ZBTB20: variants seen among roughly 807,000 people sequenced by gnomAD.
ZBTB20 encodes the protein zinc finger and BTB domain containing 20.
In ZBTB20, 9 loss-of-function variants were observed where a neutral mutation model predicts 56.9. The ratio of observed to expected loss-of-function variants is 0.16; its 90% CI spans 0.10 to 0.28. The LOEUF is 0.28. Ranked by LOEUF, ZBTB20 falls within the 10% of genes least tolerant of loss-of-function variation. ZBTB20 has a pLI of 1.00. For missense variants in ZBTB20, 655 were observed against 1,003.0 expected (o/e 0.65, Z 4.69); for synonymous variants, 417 against 420.7 (o/e 0.99, Z 0.11).
At chr3:115,023,614 T>C (rs1049597018) in intron 2 of ZBTB20, among the ~76,000 whole-genome samples, 7 of 151,128 alleles carry the variant, frequency 4.6e-5, no homozygotes, top group African/African-American at 1.4e-4. Flanking sequence ...TCTTACACTA[T>C]GGAGTTTTCA....
intron 7 of ZBTB20, among the ~76,000 whole-genome samples, chr3:114,391,396 T>C (rs2085864165): frequency 6.6e-6 from 1 of 152,228 alleles, no homozygotes; most frequent in African/African-American, 2.4e-5. Context: ...TTCATGGTAT[T>C]TCTTCCTTTC....
At chr3:115,009,304 C>T (rs1373223320) in intron 2 of ZBTB20, among the ~76,000 whole-genome samples, 2 of 151,810 alleles carry the variant, frequency 1.3e-5, no homozygotes, top group East Asian at 2.0e-4. Flanking sequence ...CTCTCCCCAC[C>T]CCATCTGAAT....
intron 2 of ZBTB20, among the ~76,000 whole-genome samples, chr3:115,049,018 C>CT (rs1229835964): frequency 3.3e-5 from 5 of 151,002 alleles, no homozygotes; most frequent in Admixed American, 2.6e-4. Flanking sequence ...GGGTCATATA[C>CT]TTTTTTTTTA....
intron 6 of ZBTB20, among the ~76,000 whole-genome samples, chr3:114,607,515 C>T (rs1437186040): frequency 6.6e-6 from 1 of 152,020 alleles, no homozygotes; most frequent in Non-Finnish European, 1.5e-5. Flanking sequence ...GTTTGTCAGG[C>T]TGGTCTCGAA....
chr3:114,497,251 C>G (rs2043386164), intron 7 of ZBTB20, among the ~76,000 whole-genome samples: 1 of 152,182 alleles, frequency 6.6e-6, no homozygotes, highest in African/African-American at 2.4e-5. Context: ...TCTCCACTTT[C>G]ACCAAGTGCT....
intron 6 of ZBTB20, among the ~76,000 whole-genome samples, chr3:114,503,742 T>A (rs899946270): frequency 2.0e-5 from 3 of 152,110 alleles, no homozygotes; most frequent in Admixed American, 6.5e-5. Context: ...GAGAGGGGGA[T>A]GACGAGGGGT....
intron 2 of ZBTB20, among the ~76,000 whole-genome samples, chr3:115,019,289 C>G (rs2080108128): frequency 6.6e-6 from 1 of 150,944 alleles, no homozygotes; most frequent in Non-Finnish European, 1.5e-5. Flanking sequence ...TGATCATATT[C>G]AGGGGTTGTT....
chr3:114,605,329 T>G (rs576855743), intron 6 of ZBTB20, among the ~76,000 whole-genome samples: 1 of 152,290 alleles, frequency 6.6e-6, no homozygotes, highest in South Asian at 2.1e-4. Flanking sequence ...GGGTGAAAGC[T>G]CCTAAATTTC....
rs149095140 is a variant in ZBTB20 at position 114,807,002 on chromosome 3, G to A, written c.-416-5828C>T. 9.1e-3 allele frequency among the ~76,000 whole-genome samples: 1,384 copies of A among 152,024 alleles called. 18 individuals are homozygous for A. The highest frequency in any genetic ancestry group is 0.052 in the South Asian group (251 of 4,820). Reference sequence around the variant, plus strand: ...GCCAATATCATACTCTATAAAGTAAGTTTTAAAACCAGAAATTGTACGTTA... The same window carrying A: ...GCCAATATCATACTCTATAAAGTAAATTTTAAAACCAGAAATTGTACGTTA... On this transcript the variant is annotated intron_variant, in intron 4 of 11. Transcript: ENST00000675478.
chr3:114,804,232 C>A (rs199596549), intron 4 of ZBTB20, among the ~76,000 whole-genome samples: 1 of 145,818 alleles, frequency 6.9e-6, no homozygotes, highest in East Asian at 2.1e-4. Flanking sequence ...AATAAAAAAA[C>A]AAAACAAAAC....
rs987321171 is a variant in ZBTB20 at position 114,380,865 on chromosome 3, C to T, written c.-78G>A. 28 of 1,345,196 alleles carry T rather than the reference C, an allele frequency of 2.1e-5. No individual in the cohort carries two copies. The highest frequency in any genetic ancestry group is 9.0e-5 in the Admixed American group (3 of 33,170). 83.3% of individuals were successfully genotyped at this position (1,345,196 alleles called of 1,614,324 possible). A position where few individuals can be genotyped will look rare whatever the true frequency, so the allele number is the denominator to read the frequency against. On this transcript the variant is annotated 5_prime_UTR_variant, in exon 9 of 12. Transcript: ENST00000675478. ...CTGGGAGTCAGGAGACTTGAGCTAC[C>T]GTACTAGCTGTGCCTCTAACTTGCT... is the stretch of plus-strand genomic sequence containing the variant.
At chr3:114,441,256 A>G (rs1381049022) in intron 7 of ZBTB20, among the ~76,000 whole-genome samples, 1 of 152,184 alleles carries the variant, frequency 6.6e-6, no homozygotes, top group Non-Finnish European at 1.5e-5. Flanking sequence ...AATATAATAA[A>G]TAGTTCTGAA....
chr3:114,844,539 A>AC (rs2074577625), intron 4 of ZBTB20, among the ~76,000 whole-genome samples: 1 of 142,134 alleles, frequency 7.0e-6, no homozygotes, highest in Admixed American at 7.0e-5. Flanking sequence ...AAAAAAAAAA[A>AC]AAAAAAAAAA....
At position 115,124,203 on chromosome 3, in the gene ZBTB20, T is replaced by C. The variant is rs939563551; in HGVS notation, c.-703+23016A>G. On this transcript the variant is annotated intron_variant, in intron 1 of 11. Coordinates refer to ENST00000675478, the MANE Select transcript of ZBTB20 (RefSeq NM_001348800.3). ...AAAAGTAATGTAAGTGAATAGTATA[T>C]GTTTTATGCTTTGTTAAATTAAGAA... Among the ~76,000 whole-genome samples the C allele has an allele frequency of 2.6e-5, 4 of 152,350 alleles. No individual in the cohort carries two copies. The East Asian group carries it at 7.7e-4, about 29-fold the overall frequency.
intron 6 of ZBTB20, among the ~76,000 whole-genome samples, chr3:114,641,934 A>G (rs1192510911): frequency 6.6e-6 from 1 of 151,984 alleles, no homozygotes; most frequent in African/African-American, 2.4e-5. Flanking sequence ...GTTCTCATAA[A>G]TTTTCCCTCC....
chr3:114,578,390 G>C (rs1418804558), intron 6 of ZBTB20, among the ~76,000 whole-genome samples: 1 of 151,922 alleles, frequency 6.6e-6, no homozygotes, highest in Non-Finnish European at 1.5e-5. Flanking sequence ...TGGAAGTAAT[G>C]ACAAAGGAAC....
intron 10 of ZBTB20, among the ~76,000 whole-genome samples, chr3:114,366,077 T>C (rs898102112): frequency 3.3e-5 from 5 of 152,224 alleles, no homozygotes; most frequent in African/African-American, 9.6e-5. Context: ...TACTCCTAAT[T>C]TGTGTAAGCA....
chr3:114,576,427 G>A (rs1277249722), intron 6 of ZBTB20, among the ~76,000 whole-genome samples: 6 of 142,962 alleles, frequency 4.2e-5, no homozygotes, highest in African/African-American at 1.0e-4. Flanking sequence ...GCGTGAACCC[G>A]GGAGGCGGAG....
At chr3:114,462,385 T>C (rs1403811757) in intron 7 of ZBTB20, among the ~76,000 whole-genome samples, 4 of 152,228 alleles carry the variant, frequency 2.6e-5, no homozygotes, top group African/African-American at 9.6e-5. Flanking sequence ...GATTTGAAAG[T>C]CTACCTTTCT....
Sources: allele counts gnomAD v4.1 joint callset (sites outside exome capture counted in the v4.1 genomes callset), GRCh38; gene constraint gnomAD v4.1.1; transcripts MANE v1.5; gene names NCBI Gene and HGNC (gene_info 2026-07-23, HGNC 2026-07-21).